The following PIAS4 variants were observed in gnomAD, a reference collection of about 807,000 sequenced individuals.
PIAS4 encodes the protein protein inhibitor of activated STAT 4.
Under a neutral mutation model 58.0 loss-of-function variants are expected in PIAS4, and 7 were observed. The ratio of observed to expected loss-of-function variants is 0.12; its 90% CI spans 0.07 to 0.23. The LOEUF (loss-of-function observed/expected upper bound fraction) is 0.23. Among genes scored for constraint, PIAS4 ranks in the 10% least tolerant of loss-of-function variants. The pLI is 1.00. For missense variants in PIAS4, 550 were observed against 709.5 expected (o/e 0.78, Z 2.55); for synonymous variants, 364 against 312.4 (o/e 1.17, Z -1.74).
chr19:4,009,332 AG>A (rs1452714405), intron 1 of PIAS4, among the ~76,000 whole-genome samples: 1 of 152,136 alleles, frequency 6.6e-6, no homozygotes, highest in Non-Finnish European at 1.5e-5. Context: ...AGTTTTGAAA[AG>A]TGGAGACTCG....
intron 2 of PIAS4, among the ~76,000 whole-genome samples, chr19:4,016,760 C>T (rs975945940): frequency 1.3e-5 from 2 of 152,118 alleles, no homozygotes; most frequent in East Asian, 1.9e-4. Context: ...GGGCAGAGGC[C>T]GATGGCCAGA....
At chr19:4,026,575 C>CCACT (rs1883005835) in intron 3 of PIAS4, among the ~76,000 whole-genome samples, 1 of 151,932 alleles carries the variant, frequency 6.6e-6, no homozygotes, top group African/African-American at 2.4e-5. Context: ...ATGTCCATCC[C>CCACT]CAGCAGCTGC....
At chr19:4,025,970 A>C (rs952356611) in intron 3 of PIAS4, among the ~76,000 whole-genome samples, 1 of 144,870 alleles carries the variant, frequency 6.9e-6, no homozygotes, top group Non-Finnish European at 1.5e-5. Flanking sequence ...GCTACTCGGG[A>C]GGCTGAGGCA....
At chr19:4,012,418 G>T (rs2040005150) in intron 1 of PIAS4, among the ~76,000 whole-genome samples, 1 of 152,092 alleles carries the variant, frequency 6.6e-6, no homozygotes, top group South Asian at 2.1e-4. Context: ...CAGGTGATTA[G>T]TACTAAGTAA....
chr19:4,009,743 C>T (rs2039975464), intron 1 of PIAS4, among the ~76,000 whole-genome samples: 1 of 152,158 alleles, frequency 6.6e-6, no homozygotes, highest in African/African-American at 2.4e-5. Context: ...CCTTCCCCAG[C>T]CTGTCATATT....
chr19:4,031,202 C>G (rs1172789003), intron 7 of PIAS4, among the ~76,000 whole-genome samples: 2 of 152,194 alleles, frequency 1.3e-5, no homozygotes, highest in South Asian at 4.1e-4. Flanking sequence ...CAAAGGGCAC[C>G]TCCTTGCCTG....
rs543320606 is a variant in PIAS4, at chr19:4,008,423, G to T, written c.27+636G>T. 8.5e-5 allele frequency among the ~76,000 whole-genome samples: 13 copies of T among 152,092 alleles called. No individual in the cohort carries two copies. In the East Asian group the frequency reaches 2.1e-3, roughly 25 times the overall value. On this transcript the variant is annotated intron_variant, in intron 1 of 10. Coordinates refer to ENST00000262971, the MANE Select transcript of PIAS4 (RefSeq NM_015897.4). ...GTCTGGAGTTCAGGCTCGGTCTTGA[G>T]CCCCTCTTCAGCTCCTGCATTGGTC...
chr19:4,029,139 CAG>C (rs1309582570), intron 7 of PIAS4, 103 bp downstream of exon 7: 2 of 784,496 alleles, frequency 2.5e-6, no homozygotes, highest in African/African-American at 1.7e-5. Context: ...GGAGATCGAT[CAG>C]GGGCCGCCTG....
chr19:4,015,405 C>T (rs749377933), intron 2 of PIAS4, among the ~76,000 whole-genome samples: 1 of 152,112 alleles, frequency 6.6e-6, no homozygotes, highest in Non-Finnish European at 1.5e-5. Context: ...GGAGAGCCTG[C>T]TCCCCTGTCT....
chr19:4,008,232 C>T (rs966282398), intron 1 of PIAS4, among the ~76,000 whole-genome samples: 10 of 152,032 alleles, frequency 6.6e-5, no homozygotes, highest in African/African-American at 2.2e-4. Context: ...CCACAGGGCT[C>T]CCAGGACTGC....
chr19:4,037,429 G>C lies in PIAS4; in HGVS notation c.1198G>C (p.Val400Leu). The C allele has an allele frequency of 1.2e-6, 2 of 1,611,770 alleles. No homozygotes were observed. The highest frequency in any genetic ancestry group is 1.7e-6 in the Non-Finnish European group (2 of 1,179,430). Reference sequence around the variant, plus strand: ...GGACGCCGACGAGATCGAGTACCTGGTGGACGGCTCGTGGTGCCCGATCCG... The same window carrying C: ...GGACGCCGACGAGATCGAGTACCTGCTGGACGGCTCGTGGTGCCCGATCCG... ...CEDADEIEYL[V>L]DGSWCPIRAE... The change falls in exon 10 of 11, where the codon GTG (valine) becomes CTG (leucine). Residue 400 changes from valine (V) to leucine (L), a missense_variant. Around this residue, in one of 4 missense-constraint regions of PIAS4, gnomAD observed 188 missense variants for 192.0 expected, o/e 0.98. Transcript: ENST00000262971. This position sits in a 1 kb window ranked among gnomAD's most constrained non-coding sequence, Gnocchi z 5.8.
Position 4,033,503 on chromosome 19 carries a change from G to A in PIAS4, c.1065G>A (p.Gln355=), listed in dbSNP as rs1394111153. ...GCTTCGACGCCGTCTTCTACCTGCAGATGAACGAGAAGAAGCCCACCTGGA... is the reference window on the plus strand; with the variant it reads ...GCTTCGACGCCGTCTTCTACCTGCAAATGAACGAGAAGAAGCCCACCTGGA... The part of the protein sequence containing the change: ...LQCFDAVFYL[Q]MNEKKPTWMC... The change falls in exon 9 of 11, where the codon CAG becomes CAA. Residue 355 remains glutamine (Q), a synonymous_variant. Transcript: ENST00000262971. The A allele has an allele frequency of 6.2e-7, 1 of 1,601,654 alleles. No individual in the cohort carries two copies. Among genetic ancestry groups the A allele is most frequent in the Middle Eastern group, 1.7e-4 (1 of 6,048 alleles).
chr19:4,014,442 A>G (rs2040031362), intron 2 of PIAS4, among the ~76,000 whole-genome samples: 1 of 152,168 alleles, frequency 6.6e-6, no homozygotes, highest in Non-Finnish European at 1.5e-5. Context: ...TGGGACTCCC[A>G]GATAGGGAGC....
chr19:4,028,957 G>A lies in PIAS4; in HGVS notation c.828G>A (p.Val276=), dbSNP rs565325950. 6.2e-7 allele frequency: 1 copy of A among 1,611,716 alleles called. No homozygotes were observed. The highest frequency in any genetic ancestry group is 1.3e-5 in the African/African-American group (1 of 74,900). Reference sequence around the variant, plus strand: ...GCTACTCGGTGGCCCTGTACCTGGTGCGGCAGCTGACCTCATCGGAGCTGC... The same window carrying A: ...GCTACTCGGTGGCCCTGTACCTGGTACGGCAGCTGACCTCATCGGAGCTGC... The part of the protein sequence containing the change: ...GKSYSVALYL[V]RQLTSSELLQ... Residue 276 remains valine (V), a synonymous_variant, in exon 7 of 11, where the codon GTG becomes GTA. Coordinates refer to ENST00000262971, the MANE Select transcript of PIAS4 (RefSeq NM_015897.4).
intron 1 of PIAS4, among the ~76,000 whole-genome samples, chr19:4,011,321 G>T (rs985475355): frequency 6.6e-5 from 10 of 152,202 alleles, no homozygotes; most frequent in African/African-American, 2.4e-4. Flanking sequence ...CTAAGGGTGG[G>T]TGGCCCTGAA....
intron 7 of PIAS4, among the ~76,000 whole-genome samples, chr19:4,030,360 C>A (rs1359621570): frequency 1.4e-5 from 2 of 143,462 alleles, no homozygotes. Context: ...TGGCTCACAC[C>A]TGTAATCCCA....
At chr19:4,022,500 G>A (rs2040120040) in intron 2 of PIAS4, among the ~76,000 whole-genome samples, 1 of 151,972 alleles carries the variant, frequency 6.6e-6, no homozygotes, top group Admixed American at 6.6e-5. Flanking sequence ...CCTAGTAGCT[G>A]GGACTGCAGG....
intron 7 of PIAS4, among the ~76,000 whole-genome samples, chr19:4,032,375 GGTCTCTC>G (rs1344744278): frequency 6.6e-6 from 1 of 152,122 alleles, no homozygotes; most frequent in Non-Finnish European, 1.5e-5. Flanking sequence ...CCAGGGCTGG[GGTCTCTC>G]CTGAGCTACC....
Position 4,028,740 on chromosome 19 carries a change from G to T in PIAS4, c.693G>T (p.Lys231Asn). Residue 231 changes from lysine to asparagine, a missense_variant, in exon 6 of 11, where the codon AAG (lysine) becomes AAT (asparagine). Transcript: ENST00000262971. ...TGCAGGGCTACTACCCCTCCAATAA[G>T]CCCGGGGTGGAGCCCAAGAGGCCGT... ...CSVPGYYPSNKPGVEPKRPCR... is the reference protein window; with the variant it reads ...CSVPGYYPSNNPGVEPKRPCR... 6.2e-7 allele frequency: 1 copy of T among 1,612,298 alleles called. No homozygotes were observed. The highest frequency in any genetic ancestry group is 8.5e-7 in the Non-Finnish European group (1 of 1,179,392).
Sources: gnomAD v4.1 joint callset for allele counts (sites outside exome capture counted in the v4.1 genomes callset) on GRCh38, gnomAD v4.1.1 for gene constraint, gnomAD v4.1.1 regional missense constraint, Gnocchi (gnomAD v3.1) non-coding constraint, MANE v1.5 for transcripts, NCBI Gene and HGNC (gene_info 2026-07-23, HGNC 2026-07-21) for gene names.